The following CASC3 variants were observed in gnomAD, a reference collection of about 807,000 sequenced individuals.
CASC3 encodes the protein CASC3 exon junction complex subunit.
CASC3 carries 30 observed loss-of-function variants against 80.5 expected under a neutral mutation model. The observed-to-expected ratio is 0.37, with a 90% confidence interval of 0.28 to 0.51. The LOEUF (loss-of-function observed/expected upper bound fraction) is 0.51, where lower values mean the gene tolerates loss of function less well. Among genes scored for constraint, CASC3 ranks in the 20% least tolerant of loss-of-function variants. The pLI is 0.94. For synonymous variants in CASC3, 312 were observed against 333.6 expected (o/e 0.94, Z 0.70); for missense variants, 824 against 922.2 (o/e 0.89, Z 1.38).
At chr17:40,169,142 G>A in intron 11 of CASC3, 182 bp from the exon 12 acceptor site, 1 of 609,276 alleles carries the variant, frequency 1.6e-6, no homozygotes, top group Non-Finnish European at 2.7e-6. Context: ...AAAAACCAGA[G>A]CATAATAATG....
Position 40,164,098 on chromosome 17 carries a change from A to T in CASC3, c.1403A>T (p.Gln468Leu). The T allele has an allele frequency of 6.2e-7, 1 of 1,613,688 alleles. No individual in the cohort carries two copies. Among genetic ancestry groups the T allele is most frequent in the African/African-American group, 1.3e-5 (1 of 75,024 alleles). The change falls in exon 7 of 14, where the codon CAA becomes CTA. Residue 468 changes from glutamine (Q) to leucine (L), a missense_variant. This residue lies in a region of CASC3 where 464 missense variants were observed against 506.0 expected (regional missense o/e 0.92). Transcript: ENST00000264645. ...STSGLEQDVA[Q>L]LNIAEQNWSP... Reference sequence around the variant, plus strand: ...AGTGGACTTGAGCAAGATGTGGCACAACTAAATATAGCAGAACAGAATTGG... The same window carrying T: ...AGTGGACTTGAGCAAGATGTGGCACTACTAAATATAGCAGAACAGAATTGG...
intron 3 of CASC3, among the ~76,000 whole-genome samples, chr17:40,145,262 C>T (rs745819893): frequency 5.3e-4 from 80 of 151,798 alleles, no homozygotes; most frequent in Non-Finnish European, 9.0e-4. Flanking sequence ...GCCTCCGCCC[C>T]GCCTGGTTCA....
At position 40,163,169 on chromosome 17, in the gene CASC3, G is replaced by A. The variant is rs1444478976; in HGVS notation, c.785+268G>A. ...TATTTATTTAAGACAGAGTCTCGCT[G>A]TGTTGCCTAGGCTGGAGTGCAATGG... On this transcript the variant is annotated intron_variant, in intron 6 of 13. Coordinates refer to ENST00000264645, the MANE Select transcript of CASC3 (RefSeq NM_007359.5). Among the ~76,000 whole-genome samples, 5 of 152,028 alleles carry A rather than the reference G, an allele frequency of 3.3e-5. No homozygotes were observed. In the East Asian group the frequency reaches 7.7e-4, roughly 23 times the overall value.
chr17:40,169,742 CTTTTTTTTTTTTTTTTTT>C (rs56186811), intron 13 of CASC3, 80 bp downstream of exon 13: 19 of 96,516 alleles, frequency 2.0e-4, no homozygotes, highest in Admixed American at 2.7e-4. Context: ...TTAATTAATG[CTTTTTTTTTTTTTTTTTT>C]TTTTTTTTTT....
chr17:40,169,270 A>C, intron 11 of CASC3, 54 bp from the exon 12 acceptor site: 3 of 1,455,718 alleles, frequency 2.1e-6, no homozygotes, highest in Non-Finnish European at 2.7e-6. Flanking sequence ...TGTTCATCAT[A>C]GGTTGGATGA....
intron 3 of CASC3, among the ~76,000 whole-genome samples, chr17:40,156,636 C>G (rs1169677207): frequency 6.6e-6 from 1 of 151,846 alleles, no homozygotes; most frequent in Non-Finnish European, 1.5e-5. Flanking sequence ...TTGCAGTGAG[C>G]CGAGATCCAG....
Position 40,167,498 on chromosome 17 carries a change from G to C in CASC3, c.1537G>C (p.Gly513Arg), listed in dbSNP as rs763489989. 1 of 1,612,138 alleles carries C rather than the reference G, an allele frequency of 6.2e-7. No homozygotes were observed. The highest frequency in any genetic ancestry group is 1.7e-5 in the Admixed American group (1 of 59,988). ...PPQFNRMEEM[G>R]VQGGRAKRYS... is the part of the protein sequence containing the mutation. Reference sequence around the variant, plus strand: ...GTTTAGGCCTCTTTCTTTGTCTCAGGGTGTCCAGGGTGGTCGAGCCAAACG... The same window carrying C: ...GTTTAGGCCTCTTTCTTTGTCTCAGCGTGTCCAGGGTGGTCGAGCCAAACG... Residue 513 changes from glycine (G) to arginine (R), a missense_variant and splice_region_variant, in exon 9 of 14, where the codon GGT becomes CGT. Physicochemically the swap from Gly to Arg is moderately radical, Grantham distance 125. Around this residue, in one of 3 missense-constraint regions of CASC3, gnomAD observed 464 missense variants for 506.0 expected, o/e 0.92. Transcript: ENST00000264645.
chr17:40,153,355 G>A (rs887916019), intron 3 of CASC3, among the ~76,000 whole-genome samples: 2 of 151,886 alleles, frequency 1.3e-5, no homozygotes, highest in African/African-American at 2.4e-5. Context: ...TCCATTGTTC[G>A]TGTGTTCCAC....
Position 40,168,259 on chromosome 17 carries a change from C to T in CASC3, c.1807C>T (p.Pro603Ser). 1 of 1,614,198 alleles carries T rather than the reference C, an allele frequency of 6.2e-7. No individual in the cohort carries two copies. The highest frequency in any genetic ancestry group is 8.5e-7 in the Non-Finnish European group (1 of 1,180,038). ...GCCCAATCCAGGCCTCTATCCCCCA[C>T]CAGTGTCCATGTCTCCAGGACAGCC... Reference protein sequence around the residue: ...PLPNPGLYPPPVSMSPGQPPP... With the variant: ...PLPNPGLYPPSVSMSPGQPPP... Residue 603 changes from proline to serine, a missense_variant, in exon 11 of 14, where the codon CCA (proline) becomes TCA (serine). Around this residue, in one of 3 missense-constraint regions of CASC3, gnomAD observed 464 missense variants for 506.0 expected, o/e 0.92. Coordinates refer to ENST00000264645, the MANE Select transcript of CASC3 (RefSeq NM_007359.5).
Position 40,170,554 on chromosome 17 carries a change from G to A in CASC3, c.*149G>A. ...CTACCAGCAAACAGCTGAAAGAGGA[G>A]GACCCCTGCCTTCCTCTGAGGACAG... On this transcript the variant is annotated 3_prime_UTR_variant, in exon 14 of 14. Coordinates refer to ENST00000264645, the MANE Select transcript of CASC3 (RefSeq NM_007359.5). The A allele has an allele frequency of 5.1e-6, 5 of 985,612 alleles. No homozygotes were observed. The highest frequency in any genetic ancestry group is 6.0e-6 in the Non-Finnish European group (5 of 829,986). 61.1% of individuals were successfully genotyped at this position (985,612 alleles called of 1,614,324 possible).
intron 3 of CASC3, among the ~76,000 whole-genome samples, chr17:40,159,671 A>G (rs370493693): frequency 2.4e-4 from 36 of 147,240 alleles, no homozygotes; most frequent in African/African-American, 7.3e-4. Context: ...CAGCCTCCCA[A>G]GTTGCTGGGA....
intron 3 of CASC3, among the ~76,000 whole-genome samples, chr17:40,149,050 A>G (rs555021174): frequency 1.3e-5 from 2 of 151,706 alleles, no homozygotes; most frequent in South Asian, 2.1e-4. Context: ...TAATTTTTGC[A>G]TTTTTAGTAG....
chr17:40,141,176 G>A, intron 1 of CASC3, 31 bp from the exon 2 acceptor site: 3 of 1,610,338 alleles, frequency 1.9e-6, no homozygotes, highest in Non-Finnish European at 2.5e-6. Context: ...GGAAATCACA[G>A]AACTAACCCA....
chr17:40,164,475 G>A (rs1294054323), intron 7 of CASC3, among the ~76,000 whole-genome samples: 3 of 151,074 alleles, frequency 2.0e-5, no homozygotes, highest in Non-Finnish European at 4.4e-5. Context: ...TTGAGATGGA[G>A]TCTTGCTCTG....
chr17:40,159,711 ATTTTTTT>A (rs71152647), intron 3 of CASC3, among the ~76,000 whole-genome samples: 230 of 93,156 alleles, frequency 2.5e-3, no homozygotes, highest in South Asian at 0.014. Context: ...TTCCTGGCGA[ATTTTTTT>A]TTTTTTTTTT....
At chr17:40,165,764 T>C (rs868578818) in intron 7 of CASC3, among the ~76,000 whole-genome samples, 1 of 139,000 alleles carries the variant, frequency 7.2e-6, no homozygotes, top group Admixed American at 7.2e-5. Flanking sequence ...TTTTTTTTTG[T>C]TTTTTTTTTT....
Position 40,140,661 on chromosome 17 carries a change from G to C in CASC3, c.113G>C (p.Gly38Ala), listed in dbSNP as rs1467921883. 5 of 1,606,302 alleles carry C rather than the reference G, an allele frequency of 3.1e-6. No individual in the cohort carries two copies. Among genetic ancestry groups the C allele is most frequent in the Middle Eastern group, 1.8e-4 (1 of 5,704 alleles). The change falls in exon 1 of 14, where the codon GGT becomes GCT. Residue 38 changes from glycine (G) to alanine (A), a missense_variant. Coordinates refer to ENST00000264645, the MANE Select transcript of CASC3 (RefSeq NM_007359.5). The stretch of plus-strand genomic sequence containing the variant: ...TTGCGGGGAGGCGGGAGCTGCAGCG[G>C]TAGCGCCGGAGGCGGCGGCAGCGGC... ...SPLRGGGSCSGSAGGGGSGSL... is the reference protein window; with the variant it reads ...SPLRGGGSCSASAGGGGSGSL...
intron 8 of CASC3, chr17:40,167,068 A>C (rs972264573): frequency 3.7e-6 from 2 of 535,116 alleles, no homozygotes; most frequent in Non-Finnish European, 6.5e-6. Flanking sequence ...CAGTTCAAGC[A>C]ATTCTGCCTC....
rs987006762 is a variant in CASC3, at chr17:40,163,286, T to C, written c.786-195T>C. Reference sequence around the variant, plus strand: ...AGTAGCCAGGATTACAGGCGCGTACTATCGCGATCGGCTAATTTTTGTATT... The same window carrying C: ...AGTAGCCAGGATTACAGGCGCGTACCATCGCGATCGGCTAATTTTTGTATT... On this transcript the variant is annotated intron_variant, in intron 6 of 13. Coordinates refer to ENST00000264645, the MANE Select transcript of CASC3 (RefSeq NM_007359.5). 3.3e-5 allele frequency among the ~76,000 whole-genome samples: 5 copies of C among 152,106 alleles called. 1 individual carries two copies. The South Asian group carries it at 1.0e-3, about 32-fold the overall frequency.
Sources: gnomAD v4.1 joint callset for allele counts (sites outside exome capture counted in the v4.1 genomes callset) on GRCh38, gnomAD v4.1.1 for gene constraint, gnomAD v4.1.1 regional missense constraint, MANE v1.5 for transcripts, NCBI Gene and HGNC (gene_info 2026-07-23, HGNC 2026-07-21) for gene names.